The following FAM118B variants were observed in gnomAD, a reference collection of about 807,000 sequenced individuals.
FAM118B encodes the protein SIR2 antiphage like 1, also known as protein FAM118B.
FAM118B carries 24 observed loss-of-function variants against 38.5 expected under a neutral mutation model. That is an observed-to-expected ratio of 0.62 (90% CI 0.45 to 0.88). The LOEUF is 0.88. Among genes scored for constraint, FAM118B ranks in the 40% least tolerant of loss-of-function variants. The probability of loss-of-function intolerance (pLI) is 0.00; values close to 1 mark genes in which losing one functional copy is unlikely to be tolerated. For missense variants in FAM118B, 334 were observed against 420.0 expected (o/e 0.80, Z 1.79); for synonymous variants, 138 against 156.3 (o/e 0.88, Z 0.87).
At chr11:126,247,017 G>T (rs1330030352) in intron 4 of FAM118B, among the ~76,000 whole-genome samples, 2 of 152,194 alleles carry the variant, frequency 1.3e-5, no homozygotes, top group African/African-American at 4.8e-5. Flanking sequence ...AATTAGCCTA[G>T]TGTGGTGGTA....
At chr11:126,237,009 C>T (rs547171920) in intron 3 of FAM118B, among the ~76,000 whole-genome samples, 49 of 148,974 alleles carry the variant, frequency 3.3e-4, no homozygotes, top group African/African-American at 1.1e-3. Context: ...CTCTGCCTCC[C>T]GGGTTCACAC....
At chr11:126,231,642 C>T (rs1330728706) in intron 2 of FAM118B, among the ~76,000 whole-genome samples, 4 of 152,078 alleles carry the variant, frequency 2.6e-5, no homozygotes, top group Non-Finnish European at 5.9e-5. Flanking sequence ...CAGTCAGAAG[C>T]GATTGGCTAT....
chr11:126,214,335 A>G (rs1949935155), intron 1 of FAM118B: 2 of 145,562 alleles, frequency 1.4e-5, no homozygotes, highest in Admixed American at 7.0e-5. Flanking sequence ...TCTGGGCAAC[A>G]CAGCAAGACT....
chr11:126,230,102 A>T (rs1046110717), intron 2 of FAM118B, among the ~76,000 whole-genome samples: 5 of 152,204 alleles, frequency 3.3e-5, no homozygotes, highest in Non-Finnish European at 7.3e-5. Context: ...GGATCCACAG[A>T]GGAATCAGAT....
chr11:126,248,489 G>C (rs1410535768), intron 4 of FAM118B, among the ~76,000 whole-genome samples: 4 of 144,708 alleles, frequency 2.8e-5, no homozygotes, highest in East Asian at 2.3e-4. Context: ...TCCTGCCTCA[G>C]CCTCCCGAGT....
chr11:126,214,241 T>C (rs1949933579), intron 1 of FAM118B: 2 of 150,996 alleles, frequency 1.3e-5, no homozygotes, highest in African/African-American at 4.9e-5. Flanking sequence ...TAATCCCAGC[T>C]ACTCGGGAGG....
At chr11:126,235,526 C>CT (rs1306747629) in intron 3 of FAM118B, among the ~76,000 whole-genome samples, 117 of 149,038 alleles carry the variant, frequency 7.9e-4, no homozygotes, top group African/African-American at 2.2e-3. Flanking sequence ...GTTCAATCCA[C>CT]TTTTTTTTTT....
intron 1 of FAM118B, among the ~76,000 whole-genome samples, chr11:126,228,913 GC>G (rs1950176074): frequency 6.6e-6 from 1 of 152,172 alleles, no homozygotes; most frequent in Non-Finnish European, 1.5e-5. Context: ...CTTCTGGAAT[GC>G]CCCAGACTTG....
intron 1 of FAM118B, among the ~76,000 whole-genome samples, chr11:126,212,345 C>G (rs1253336071): frequency 6.6e-6 from 1 of 152,180 alleles, no homozygotes; most frequent in African/African-American, 2.4e-5. Flanking sequence ...CCCTACTCCT[C>G]CTAAAGAAAA....
intron 2 of FAM118B, among the ~76,000 whole-genome samples, chr11:126,230,582 G>A (rs1434028426): frequency 6.6e-6 from 1 of 152,166 alleles, no homozygotes; most frequent in African/African-American, 2.4e-5. Context: ...TCTCAAGCTG[G>A]TAATTGTAGA....
chr11:126,233,595 C>T, intron 2 of FAM118B: 1 of 381,290 alleles, frequency 2.6e-6, no homozygotes, highest in Non-Finnish European at 5.1e-6. Flanking sequence ...GCTTTCTCAC[C>T]AACAGAATCA....
intron 1 of FAM118B, among the ~76,000 whole-genome samples, chr11:126,225,087 CA>C (rs1452944589): frequency 6.6e-6 from 1 of 152,112 alleles, no homozygotes; most frequent in African/African-American, 2.4e-5. Flanking sequence ...GATTAGAAGC[CA>C]AAAGGCTCTA....
At chr11:126,229,863 A>G (rs1950186287) in intron 2 of FAM118B, among the ~76,000 whole-genome samples, 1 of 152,190 alleles carries the variant, frequency 6.6e-6, no homozygotes, top group African/African-American at 2.4e-5. Context: ...CCTTACCTCT[A>G]GTGAGGTCTT....
chr11:126,237,893 G>GAGGATATC (rs1484142303), intron 3 of FAM118B, among the ~76,000 whole-genome samples: 6 of 149,994 alleles, frequency 4.0e-5, no homozygotes, highest in Non-Finnish European at 8.9e-5. Flanking sequence ...AAATATATGT[G>GAGGATATC]AGGATATCAT....
chr11:126,220,522 T>G (rs146412272), intron 1 of FAM118B, among the ~76,000 whole-genome samples: 1 of 152,246 alleles, frequency 6.6e-6, no homozygotes, highest in African/African-American at 2.4e-5. Context: ...AAGATCAGCC[T>G]GGTCAACATA....
At chr11:126,257,754 A>G (rs1950601983) in intron 7 of FAM118B, among the ~76,000 whole-genome samples, 1 of 152,146 alleles carries the variant, frequency 6.6e-6, no homozygotes, top group Non-Finnish European at 1.5e-5. Context: ...ACAAACAGAA[A>G]ACTTACTTTT....
At chr11:126,219,856 TAA>T (rs10707118) in intron 1 of FAM118B, among the ~76,000 whole-genome samples, 2,083 of 144,838 alleles carry the variant, frequency 0.014, 23 homozygotes, top group African/African-American at 0.032. Flanking sequence ...AAAATTAACT[TAA>T]AAAAAAAAAA....
At chr11:126,234,129 T>A (rs1950242109) in intron 2 of FAM118B, among the ~76,000 whole-genome samples, 2 of 152,178 alleles carry the variant, frequency 1.3e-5, no homozygotes, top group Admixed American at 1.3e-4. Context: ...AAACTTGCAG[T>A]AATTATTAGT....
chr11:126,253,197 T>G lies in FAM118B; in HGVS notation c.568-1108T>G, dbSNP rs1950528811. ...TCACATTTGATGTTTTCCTTCTCAT[T>G]TCATCCTTGGGCCTCAAGATTTGCA... is the stretch of plus-strand genomic sequence containing the variant. On this transcript the variant is annotated intron_variant, in intron 5 of 8. Coordinates refer to ENST00000533050, the MANE Select transcript of FAM118B (RefSeq NM_024556.4). This position sits in a 1 kb window ranked among gnomAD's most constrained non-coding sequence, Gnocchi z 5.1. Among the ~76,000 whole-genome samples the G allele has an allele frequency of 6.6e-6, 1 of 152,210 alleles. No homozygotes were observed. Among genetic ancestry groups the G allele is most frequent in the African/African-American group, 2.4e-5 (1 of 41,452 alleles).
Sources: gnomAD v4.1 joint callset for allele counts (sites outside exome capture counted in the v4.1 genomes callset) on GRCh38, gnomAD v4.1.1 for gene constraint, Gnocchi (gnomAD v3.1) non-coding constraint, MANE v1.5 for transcripts, NCBI Gene and HGNC (gene_info 2026-07-23, HGNC 2026-07-21) for gene names.